Variants in ACOXL observed in about 807,000 individuals in gnomAD.
ACOXL encodes acyl-CoA oxidase like.
ACOXL carries 70 observed loss-of-function variants against 71.9 expected under a neutral mutation model. That is an observed-to-expected ratio of 0.97 (90% CI 0.80 to 1.19). The LOEUF (loss-of-function observed/expected upper bound fraction) is 1.19, where lower values mean the gene tolerates loss of function less well. Ranked by LOEUF, ACOXL falls within the 50% of genes most tolerant of loss-of-function variation. The pLI is 0.00. For missense variants in ACOXL, 703 were observed against 736.3 expected, an observed-to-expected ratio of 0.95 and a Z score of 0.52; for synonymous variants, 253 against 281.6, an observed-to-expected ratio of 0.90 and a Z score of 1.02.
At chr2:110,889,556 C>T (rs894968093) in intron 10 of ACOXL, among the ~76,000 whole-genome samples, 3 of 152,182 alleles carry the variant, frequency 2.0e-5, no homozygotes, top group African/African-American at 7.2e-5. Flanking sequence ...ATAGATTTAC[C>T]TATTCTGGCC....
chr2:111,032,712 G>A (rs1038460229), intron 15 of ACOXL, among the ~76,000 whole-genome samples: 52 of 152,248 alleles, frequency 3.4e-4, no homozygotes, highest in Middle Eastern at 3.4e-3. Flanking sequence ...TGGGCTCCTC[G>A]GTGGGATCAG....
intron 1 of ACOXL, among the ~76,000 whole-genome samples, chr2:110,742,007 G>T (rs1039976766): frequency 1.3e-5 from 2 of 152,182 alleles, no homozygotes; most frequent in Non-Finnish European, 2.9e-5. Flanking sequence ...GTCAGACTCT[G>T]TGCCCCCTGA....
chr2:110,830,818 C>A (rs1005788691), intron 9 of ACOXL, among the ~76,000 whole-genome samples: 2 of 152,168 alleles, frequency 1.3e-5, no homozygotes, highest in African/African-American at 4.8e-5. Flanking sequence ...CAGGCGTGAG[C>A]CACCGCGCCT....
chr2:111,022,095 G>C (rs1195573775), intron 14 of ACOXL, among the ~76,000 whole-genome samples: 1 of 152,174 alleles, frequency 6.6e-6, no homozygotes, highest in East Asian at 1.9e-4. Context: ...GCTCATGCCT[G>C]TAATCCCAGC....
chr2:111,065,759 A>T (rs192976232), intron 16 of ACOXL, among the ~76,000 whole-genome samples: 28 of 152,366 alleles, frequency 1.8e-4, no homozygotes, highest in African/African-American at 6.7e-4. Flanking sequence ...GCATGAAAAG[A>T]CATTCAACAT....
chr2:110,816,493 AC>A (rs1223962425), intron 9 of ACOXL, among the ~76,000 whole-genome samples: 6 of 152,158 alleles, frequency 3.9e-5, no homozygotes, highest in African/African-American at 1.4e-4. Flanking sequence ...GGACTTGTGC[AC>A]CCCAGGGTAT....
intron 10 of ACOXL, among the ~76,000 whole-genome samples, chr2:110,866,939 A>G (rs1438779856): frequency 6.6e-6 from 1 of 152,202 alleles, no homozygotes. Context: ...TGAGGTGCAG[A>G]AAGTGCTGCC....
chr2:110,760,952 A>G (rs996923645), intron 1 of ACOXL, among the ~76,000 whole-genome samples: 2 of 152,204 alleles, frequency 1.3e-5, no homozygotes, highest in Admixed American at 1.3e-4. Context: ...CTTAAATGAG[A>G]ACTGGAGTGT....
intron 16 of ACOXL, among the ~76,000 whole-genome samples, chr2:111,072,882 T>C (rs1182039856): frequency 6.6e-6 from 1 of 152,240 alleles, no homozygotes; most frequent in African/African-American, 2.4e-5. Context: ...TTGTTCCTGA[T>C]GTATGAGAGA....
rs1240471435 is a variant in ACOXL, at chr2:111,047,659, C to A, written c.1370-1559C>A. Among the ~76,000 whole-genome samples the A allele has an allele frequency of 1.3e-5, 2 of 152,226 alleles. 1 individual carries two copies. The highest frequency in any genetic ancestry group is 1.3e-4 in the Admixed American group (2 of 15,288). ...CAAAAGCATTCGTGTAAACTTAACA[C>A]AGCTTGGGCCCTTATCTCAATGTAC... On this transcript the variant is annotated intron_variant, in intron 15 of 17. Transcript: ENST00000439055.
intron 10 of ACOXL, among the ~76,000 whole-genome samples, chr2:110,870,728 A>C (rs1427537598): frequency 4.6e-5 from 7 of 152,026 alleles, no homozygotes; most frequent in African/African-American, 1.7e-4. Flanking sequence ...GTGACTCTGA[A>C]ATTTTTCTAG....
intron 12 of ACOXL, among the ~76,000 whole-genome samples, chr2:110,958,100 A>G (rs2061568150): frequency 6.6e-6 from 1 of 151,558 alleles, no homozygotes; most frequent in South Asian, 2.1e-4. Context: ...GATGTAGCCC[A>G]TAGTACCTGC....
chr2:110,870,191 A>G (rs1029417271), intron 10 of ACOXL, among the ~76,000 whole-genome samples: 1 of 152,216 alleles, frequency 6.6e-6, no homozygotes, highest in Non-Finnish European at 1.5e-5. Context: ...TCAAGGGTTC[A>G]GCAGCCACTC....
Position 110,978,284 on chromosome 2 carries a change from G to A in ACOXL, c.1060-8824G>A, listed in dbSNP as rs533875809. On this transcript the variant is annotated intron_variant, in intron 12 of 17. Coordinates refer to ENST00000439055, the MANE Select transcript of ACOXL (RefSeq NM_001142807.4). ...GGCAGAAGGCAGAAGGGGAGAAAGGGGTGAACTCACTCCATCAAGCCCTTT... is the reference window on the plus strand; with the variant it reads ...GGCAGAAGGCAGAAGGGGAGAAAGGAGTGAACTCACTCCATCAAGCCCTTT... 7.8e-4 allele frequency among the ~76,000 whole-genome samples: 119 copies of A among 152,222 alleles called. 1 individual carries two copies. Among genetic ancestry groups the A allele is most frequent in the African/African-American group, 2.7e-3 (114 of 41,524 alleles).
chr2:110,998,003 A>T (rs527325157), intron 14 of ACOXL, among the ~76,000 whole-genome samples: 1 of 152,044 alleles, frequency 6.6e-6, no homozygotes, highest in East Asian at 1.9e-4. Context: ...GTGAGCCAAG[A>T]TCACACCACT....
chr2:111,019,837 A>G (rs537232758), intron 14 of ACOXL, among the ~76,000 whole-genome samples: 45 of 152,252 alleles, frequency 3.0e-4, no homozygotes, highest in African/African-American at 8.9e-4. Context: ...TGCCCTCTGA[A>G]TCCACACTGA....
rs186542405 is a variant in ACOXL at position 110,977,083 on chromosome 2, C to A, written c.1060-10025C>A. Among the ~76,000 whole-genome samples, 3 of 152,166 alleles carry A rather than the reference C, an allele frequency of 2.0e-5. No homozygotes were observed. In the East Asian group the frequency reaches 5.8e-4, roughly 29 times the overall value. Reference sequence around the variant, plus strand: ...TTTTAGAGATCAAGTATATTTAAAACCATTAAAAAATATTCTCTCCCGGCT... The same window carrying A: ...TTTTAGAGATCAAGTATATTTAAAAACATTAAAAAATATTCTCTCCCGGCT... On this transcript the variant is annotated intron_variant, in intron 12 of 17. Coordinates refer to ENST00000439055, the MANE Select transcript of ACOXL (RefSeq NM_001142807.4).
chr2:110,835,874 G>T (rs557194855), intron 9 of ACOXL, among the ~76,000 whole-genome samples: 8 of 152,120 alleles, frequency 5.3e-5, no homozygotes, highest in Non-Finnish European at 1.2e-4. Context: ...AAGTTCCCAG[G>T]GGAGACTGAT....
intron 9 of ACOXL, among the ~76,000 whole-genome samples, chr2:110,814,211 C>T (rs1420754411): frequency 1.3e-5 from 2 of 152,178 alleles, no homozygotes; most frequent in African/African-American, 2.4e-5. Flanking sequence ...GGCCAGAATC[C>T]AGGCCTCCTT....
Sources: gnomAD v4.1 joint callset for allele counts (sites outside exome capture counted in the v4.1 genomes callset) on GRCh38, gnomAD v4.1.1 for gene constraint, MANE v1.5 for transcripts, NCBI Gene and HGNC (gene_info 2026-07-23, HGNC 2026-07-21) for gene names.